The following YY1AP1 variants were observed in gnomAD, a reference collection of about 807,000 sequenced individuals.
YY1AP1 encodes the protein YY1-associated protein 1.
Under a neutral mutation model 39.9 loss-of-function variants are expected in YY1AP1, and 43 were observed. The ratio of observed to expected loss-of-function variants is 1.08; its 90% CI spans 0.84 to 1.39. The LOEUF (loss-of-function observed/expected upper bound fraction) is 1.39, where lower values mean the gene tolerates loss of function less well. Ranked by LOEUF, YY1AP1 falls within the 40% of genes most tolerant of loss-of-function variation. The pLI, the probability that YY1AP1 is intolerant of heterozygous loss-of-function variation, is 0.00. For synonymous variants in YY1AP1, 292 were observed against 331.3 expected (o/e 0.88, Z 1.29); for missense variants, 813 against 900.7 (o/e 0.90, Z 1.25).
At chr1:155,661,262 C>G in intron 10 of YY1AP1, 45 bp downstream of exon 10, 1 of 1,613,940 alleles carries the variant, frequency 6.2e-7, no homozygotes, top group South Asian at 1.1e-5. Flanking sequence ...TCAGAACTTT[C>G]AGTGACCTTC....
At chr1:155,680,310 T>C (rs769119064) in intron 3 of YY1AP1, 106 bp downstream of exon 3, 39 of 1,290,556 alleles carry the variant, frequency 3.0e-5, no homozygotes, top group Non-Finnish European at 4.3e-5. Flanking sequence ...AAAAGGAGAA[T>C]TGGTTCAGTC....
intron 5 of YY1AP1, 78 bp downstream of exon 5, chr1:155,676,470 C>T: frequency 6.4e-7 from 1 of 1,551,850 alleles, no homozygotes; most frequent in Admixed American, 1.7e-5. Flanking sequence ...TACAAAGCTG[C>T]TAATTTTAGA....
Position 155,688,652 on chromosome 1 carries a change from C to G in YY1AP1, c.-152+7G>C. The G allele has an allele frequency of 6.5e-7, 1 of 1,534,140 alleles. No individual in the cohort carries two copies. Among genetic ancestry groups the G allele is most frequent in the East Asian group, 2.4e-5 (1 of 41,024 alleles). On this transcript the variant is annotated splice_region_variant and intron_variant, in intron 1 of 10. Transcript: ENST00000355499. The stretch of plus-strand genomic sequence containing the variant: ...AAGCCGGCTCCAGCGCAGGCCCTCA[C>G]GCGTACCTTCAGCGGCGCGAGCCCA...
chr1:155,676,550 G>A lies in YY1AP1; in HGVS notation c.322C>T (p.Gln108Ter). 6.2e-7 allele frequency: 1 copy of A among 1,614,140 alleles called. No individual in the cohort carries two copies. The highest frequency in any genetic ancestry group is 8.5e-7 in the Non-Finnish European group (1 of 1,179,986). ...AATATGACCAAGGAAAGTGTTACCTGCTGCATCTGCTGCTGGAGTCTCTTC... is the reference window on the plus strand; with the variant it reads ...AATATGACCAAGGAAAGTGTTACCTACTGCATCTGCTGCTGGAGTCTCTTC... ...QRKRLQQQMQ[Q>*]HVQLLTQIHL... Residue 108 changes from glutamine (Q) to a stop codon, truncating the protein, a stop_gained and splice_region_variant, in exon 5 of 11, where the codon CAG becomes TAG. Coordinates refer to ENST00000355499, the MANE Select transcript of YY1AP1 (RefSeq NM_139119.3). LOFTEE classifies it high-confidence loss of function.
chr1:155,687,811 G>A, intron 2 of YY1AP1: 1 of 455,268 alleles, frequency 2.2e-6, no homozygotes, highest in Non-Finnish European at 3.9e-6. Flanking sequence ...AACCTGTCAG[G>A]GGCACAGCCG....
At chr1:155,676,802 C>A in intron 4 of YY1AP1, 56 bp from the exon 5 acceptor site, 1 of 1,526,994 alleles carries the variant, frequency 6.5e-7, no homozygotes, top group Non-Finnish European at 9.0e-7. Context: ...ACAACACATC[C>A]AATTCTTTGC....
chr1:155,679,035 T>G, intron 4 of YY1AP1: 1 of 958,568 alleles, frequency 1.0e-6, no homozygotes, highest in Non-Finnish European at 1.4e-6. Context: ...AAATTTTCAG[T>G]CACATTTAGC....
intron 7 of YY1AP1, chr1:155,670,676 T>A: frequency 6.8e-5 from 4 of 59,148 alleles, no homozygotes; most frequent in East Asian, 1.9e-3. Flanking sequence ...AAAAGTTGAC[T>A]TTTTTTTTTT....
intron 2 of YY1AP1, among the ~76,000 whole-genome samples, chr1:155,684,616 G>A (rs1466959368): frequency 4.6e-5 from 7 of 150,594 alleles, no homozygotes; most frequent in Admixed American, 4.6e-4. Flanking sequence ...TGATGCCGAG[G>A]CTAGAGTGCA....
intron 9 of YY1AP1, 32 bp from the exon 10 acceptor site, chr1:155,661,455 T>C (rs376185445): frequency 4.7e-5 from 75 of 1,612,834 alleles, no homozygotes; most frequent in Non-Finnish European, 6.1e-5. Context: ...ATGAATTACA[T>C]TCCTTCTGGA....
intron 2 of YY1AP1, among the ~76,000 whole-genome samples, chr1:155,685,950 A>G (rs985550762): frequency 6.6e-6 from 1 of 151,720 alleles, no homozygotes; most frequent in African/African-American, 2.4e-5. Context: ...GAATACAGCT[A>G]AGTTGGCTTA....
At chr1:155,686,776 C>T (rs1652455709) in intron 2 of YY1AP1, among the ~76,000 whole-genome samples, 1 of 152,180 alleles carries the variant, frequency 6.6e-6, no homozygotes, top group African/African-American at 2.4e-5. Context: ...CATGGATATG[C>T]ATTTCATACA....
At chr1:155,668,964 A>G (rs1035477135) in intron 8 of YY1AP1, among the ~76,000 whole-genome samples, 187 bp from the exon 9 acceptor site, 4 of 152,152 alleles carry the variant, frequency 2.6e-5, no homozygotes, top group African/African-American at 4.8e-5. Flanking sequence ...CCTAAGCTGA[A>G]GCGATTCTCC....
At position 155,670,436 on chromosome 1, in the gene YY1AP1, T is replaced by C. The variant is rs1268175879; in HGVS notation, c.612A>G (p.Gln204=). 4 of 1,614,076 alleles carry C rather than the reference T, an allele frequency of 2.5e-6. No homozygotes were observed. Among genetic ancestry groups the C allele is most frequent in the Non-Finnish European group, 3.4e-6 (4 of 1,180,046 alleles). ...TANEFPCLPK[Q]VAWILATSKV... Reference sequence around the variant, plus strand: ...TGCTTGTGGCCAGGATCCAAGCCACTTGCTTTGGCAAACAGGGAAATTCAT... The same window carrying C: ...TGCTTGTGGCCAGGATCCAAGCCACCTGCTTTGGCAAACAGGGAAATTCAT... Residue 204 remains glutamine (Q), a synonymous_variant, in exon 8 of 11, where the codon CAA becomes CAG. Coordinates refer to ENST00000355499, the MANE Select transcript of YY1AP1 (RefSeq NM_139119.3).
chr1:155,680,340 C>T, intron 3 of YY1AP1, 76 bp downstream of exon 3: 1 of 1,537,236 alleles, frequency 6.5e-7, no homozygotes. Flanking sequence ...GAAGGAGCAT[C>T]ACAGAGATCA....
At position 155,675,994 on chromosome 1, in the gene YY1AP1, C is replaced by T. The variant is rs553818186; in HGVS notation, c.324+554G>A. 5.9e-5 allele frequency among the ~76,000 whole-genome samples: 9 copies of T among 152,198 alleles called. No individual in the cohort carries two copies. In the East Asian group the frequency reaches 9.7e-4, roughly 16 times the overall value. ...ATCCCAGCACTCTGGGAGGCCGAGG[C>T]GGGTGGATCACGAGGTTAGGAGATC... is the stretch of plus-strand genomic sequence containing the variant. On this transcript the variant is annotated intron_variant, in intron 5 of 10. Coordinates refer to ENST00000355499, the MANE Select transcript of YY1AP1 (RefSeq NM_139119.3).
intron 1 of YY1AP1, 127 bp from the exon 2 acceptor site, chr1:155,688,328 C>A: frequency 6.5e-7 from 1 of 1,548,902 alleles, no homozygotes; most frequent in Non-Finnish European, 8.7e-7. Flanking sequence ...ATGGCGGCGG[C>A]AGCGGCGGCA....
chr1:155,684,112 T>C (rs1226683964), intron 2 of YY1AP1, among the ~76,000 whole-genome samples: 4 of 152,090 alleles, frequency 2.6e-5, no homozygotes, highest in Admixed American at 6.5e-5. Context: ...GCAGGGCGTG[T>C]TGGCACGCGC....
intron 9 of YY1AP1, among the ~76,000 whole-genome samples, chr1:155,666,950 A>C (rs1649103020): frequency 6.6e-6 from 1 of 152,146 alleles, no homozygotes; most frequent in African/African-American, 2.4e-5. Flanking sequence ...CAGTGAGCTA[A>C]AATTGTGCCA....
Sources: gnomAD v4.1 joint callset for allele counts (sites outside exome capture counted in the v4.1 genomes callset) on GRCh38, gnomAD v4.1.1 for gene constraint, MANE v1.5 for transcripts, NCBI Gene and HGNC (gene_info 2026-07-23, HGNC 2026-07-21) for gene names.